PDE1C: variants seen among roughly 807,000 people sequenced by gnomAD.
PDE1C encodes the protein dual specificity calcium/calmodulin-dependent 3',5'-cyclic nucleotide phosphodiesterase 1C.
In PDE1C, 62 loss-of-function variants were observed where a neutral mutation model predicts 93.1. The observed-to-expected ratio is 0.67, with a 90% CI of 0.54 to 0.82. PDE1C has a LOEUF of 0.82. Among genes scored for constraint, PDE1C ranks in the 40% least tolerant of loss-of-function variants. The pLI is 0.00. For missense variants in PDE1C, 742 were observed against 884.6 expected, an observed-to-expected ratio of 0.84 and a Z score of 2.04; for synonymous variants, 325 against 310.1, an observed-to-expected ratio of 1.05 and a Z score of -0.50.
chr7:32,058,806 G>T (rs183155103), intron 1 of PDE1C, among the ~76,000 whole-genome samples: 1 of 152,262 alleles, frequency 6.6e-6, no homozygotes, highest in East Asian at 1.9e-4. Flanking sequence ...ATTTAAGGGT[G>T]AGAAAGGAGA....
chr7:31,619,708 A>G, the PDE1C span, among the ~76,000 whole-genome samples: 1 of 152,036 alleles, frequency 6.6e-6, no homozygotes, highest in Non-Finnish European at 1.5e-5. Context: ...CTGCATTTCC[A>G]TCTGAGGTAC....
At chr7:31,786,713 T>G (rs1783979539) in intron 16 of PDE1C, 1 of 152,160 alleles carries the variant, frequency 6.6e-6, no homozygotes, top group Non-Finnish European at 1.5e-5. Flanking sequence ...TTCTCTTTAT[T>G]TGGGATAGAA....
At chr7:31,659,929 T>G in the PDE1C span, among the ~76,000 whole-genome samples, 1 of 152,180 alleles carries the variant, frequency 6.6e-6, no homozygotes, top group Admixed American at 6.5e-5. Context: ...AATCCCCACA[T>G]GTCACGGAGG....
At chr7:32,395,882 ACTTT>A (rs1240712011) in intron 1 of PDE1C, among the ~76,000 whole-genome samples, 2 of 152,118 alleles carry the variant, frequency 1.3e-5, no homozygotes, top group Non-Finnish European at 2.9e-5. Flanking sequence ...AAAATATTTT[ACTTT>A]CTTTACTTTT....
At chr7:31,921,733 C>T (rs1373818031) in intron 2 of PDE1C, among the ~76,000 whole-genome samples, 1 of 152,092 alleles carries the variant, frequency 6.6e-6, no homozygotes, top group African/African-American at 2.4e-5. Context: ...GAAAATAAGG[C>T]ATAACCAGAT....
chr7:31,862,645 G>A (rs1794815068), intron 7 of PDE1C, among the ~76,000 whole-genome samples: 1 of 152,134 alleles, frequency 6.6e-6, no homozygotes, highest in Non-Finnish European at 1.5e-5. Flanking sequence ...ATTCACGACA[G>A]CTCCATGCTC....
intron 2 of PDE1C, among the ~76,000 whole-genome samples, chr7:31,929,802 T>G (rs1462479407): frequency 6.6e-6 from 1 of 152,144 alleles, no homozygotes; most frequent in Non-Finnish European, 1.5e-5. Flanking sequence ...AGAGGAAAAT[T>G]TATAGCACTA....
intron 2 of PDE1C, among the ~76,000 whole-genome samples, chr7:31,979,256 A>G (rs1327928293): frequency 6.6e-6 from 1 of 152,182 alleles, no homozygotes; most frequent in Non-Finnish European, 1.5e-5. Context: ...TTACACAGAC[A>G]CAAGTTCTTA....
chr7:31,891,648 G>T (rs1284396845), intron 2 of PDE1C, among the ~76,000 whole-genome samples: 2 of 152,054 alleles, frequency 1.3e-5, no homozygotes, highest in African/African-American at 4.8e-5. Flanking sequence ...CAAGATTAGG[G>T]GTTTACAGGG....
At chr7:31,656,690 A>G in the PDE1C span, among the ~76,000 whole-genome samples, 1 of 152,190 alleles carries the variant, frequency 6.6e-6, no homozygotes, top group Admixed American at 6.6e-5. Flanking sequence ...TTTAGATTGT[A>G]AAAAGGGACT....
chr7:31,630,929 G>A, the PDE1C span, among the ~76,000 whole-genome samples: 2 of 152,070 alleles, frequency 1.3e-5, no homozygotes, highest in South Asian at 4.1e-4. Flanking sequence ...TAAGACCAAA[G>A]CTAGGATGAG....
chr7:31,875,831 A>ATATATATATATATATATG lies in PDE1C; in HGVS notation c.492+2138_492+2139insCATATATATATATATATA, dbSNP rs761399274. 2.3e-3 allele frequency among the ~76,000 whole-genome samples: 209 copies of ATATATATATATATATATG among 90,086 alleles called. 23 individuals are homozygous for ATATATATATATATATATG. Among genetic ancestry groups the ATATATATATATATATATG allele is most frequent in the South Asian group, 3.9e-3 (9 of 2,322 alleles). 59.1% of individuals were successfully genotyped at this position (90,086 alleles called of 152,430 possible). On this transcript the variant is annotated intron_variant, in intron 5 of 17. Transcript: ENST00000396191. The stretch of plus-strand genomic sequence containing the variant: ...TATATATATATATATATATATATAT[A>ATATATATATATATATATG]TATAATGGAAAAAGTAAAATAACAT...
At chr7:31,723,093 C>A in the PDE1C span, among the ~76,000 whole-genome samples, 5 of 152,172 alleles carry the variant, frequency 3.3e-5, no homozygotes, top group African/African-American at 1.2e-4. Context: ...ATTTTTCTCA[C>A]CCAATCCTTG....
chr7:31,762,475 G>C (rs1214045355), intron 17 of PDE1C, among the ~76,000 whole-genome samples: 1 of 152,072 alleles, frequency 6.6e-6, no homozygotes, highest in African/African-American at 2.4e-5. Flanking sequence ...GAGTAGCTGG[G>C]ATTACAGAAG....
chr7:31,766,081 A>C (rs552791657), intron 17 of PDE1C, among the ~76,000 whole-genome samples: 19 of 152,254 alleles, frequency 1.2e-4, no homozygotes, highest in Admixed American at 6.5e-4. Flanking sequence ...ATATGCAATA[A>C]ATGTTAAAAT....
intron 2 of PDE1C, among the ~76,000 whole-genome samples, chr7:31,962,407 A>G (rs779943178): frequency 6.6e-6 from 1 of 152,250 alleles, no homozygotes; most frequent in Non-Finnish European, 1.5e-5. Context: ...TCAGGACAGA[A>G]AACAGAGTCT....
chr7:32,004,700 C>CA (rs796618323), intron 2 of PDE1C, among the ~76,000 whole-genome samples: 85 of 152,306 alleles, frequency 5.6e-4, no homozygotes, highest in African/African-American at 1.7e-3. Context: ...CAGATCAACC[C>CA]AAACCTAAAT....
At position 32,064,779 on chromosome 7, in the gene PDE1C, C is replaced by T. The variant is rs535485099; in HGVS notation, c.101+5514G>A. 7.9e-5 allele frequency among the ~76,000 whole-genome samples: 12 copies of T among 152,228 alleles called. No homozygotes were observed. In the East Asian group the frequency reaches 1.7e-3, roughly 22 times the overall value. On this transcript the variant is annotated intron_variant, in intron 1 of 17. Coordinates refer to ENST00000396191, the MANE Select transcript of PDE1C (RefSeq NM_001191057.4). ...TAAAATGTGTTCAATTACTCACCTCCTCAAACTATGAGCATACATAATTTT... is the reference window on the plus strand; with the variant it reads ...TAAAATGTGTTCAATTACTCACCTCTTCAAACTATGAGCATACATAATTTT...
At chr7:31,723,184 T>A in the PDE1C span, among the ~76,000 whole-genome samples, 1 of 152,184 alleles carries the variant, frequency 6.6e-6, no homozygotes, top group African/African-American at 2.4e-5. Context: ...AAAATAAGCA[T>A]AGGATGATTC....
Sources: gnomAD v4.1 joint callset for allele counts (sites outside exome capture counted in the v4.1 genomes callset) on GRCh38, gnomAD v4.1.1 for gene constraint, MANE v1.5 for transcripts, NCBI Gene and HGNC (gene_info 2026-07-23, HGNC 2026-07-21) for gene names.